Variants in MYO18B observed in about 807,000 individuals in gnomAD.
The protein encoded by MYO18B is myosin XVIIIB.
In MYO18B, 204 loss-of-function variants were observed where a neutral mutation model predicts 273.0. The observed-to-expected ratio is 0.75, with a 90% CI of 0.67 to 0.84. MYO18B has a LOEUF of 0.84. MYO18B is among the 40% of genes least tolerant of loss of function. The pLI, the probability that MYO18B is intolerant of heterozygous loss-of-function variation, is 0.00. For synonymous variants in MYO18B, 1,330 were observed against 1,305.7 expected, an observed-to-expected ratio of 1.02 and a Z score of -0.40; for missense variants, 3,212 against 3,287.6, an observed-to-expected ratio of 0.98 and a Z score of 0.56.
Position 26,026,784 on chromosome 22 carries a change from G to C in MYO18B, c.6810G>C (p.Leu2270=). Residue 2270 remains leucine, a synonymous_variant, in exon 43 of 44, where the codon CTG becomes CTC. Coordinates refer to ENST00000335473, the MANE Select transcript of MYO18B (RefSeq NM_032608.7). ...KRAQRGQGST[L]GLEDWPTLPI... is the part of the protein sequence containing the mutation. Reference sequence around the variant, plus strand: ...CCCAGAGAGGCCAGGGGTCCACGCTGGGCCTAGAGGACTGGCCCACTCTCC... The same window carrying C: ...CCCAGAGAGGCCAGGGGTCCACGCTCGGCCTAGAGGACTGGCCCACTCTCC... 6.2e-7 allele frequency: 1 copy of C among 1,604,952 alleles called. No individual in the cohort carries two copies. The highest frequency in any genetic ancestry group is 1.7e-4 in the Middle Eastern group (1 of 6,032).
At chr22:25,936,168 G>A (rs535789725) in intron 34 of MYO18B, among the ~76,000 whole-genome samples, 34 of 152,262 alleles carry the variant, frequency 2.2e-4, no homozygotes, top group Middle Eastern at 6.8e-3. Flanking sequence ...TAAATGAGAC[G>A]GGGATCGGGG....
intron 39 of MYO18B, among the ~76,000 whole-genome samples, chr22:25,977,866 A>G (rs757111654): frequency 3.9e-5 from 6 of 152,180 alleles, no homozygotes; most frequent in Non-Finnish European, 7.3e-5. Flanking sequence ...CACTTTGCAG[A>G]TGAGAAAACT....
chr22:25,887,387 ATT>A (rs11291087), intron 25 of MYO18B, among the ~76,000 whole-genome samples: 2 of 151,440 alleles, frequency 1.3e-5, no homozygotes, highest in African/African-American at 4.9e-5. Context: ...TGCACAGGAT[ATT>A]TTTTTTTCTG....
intron 42 of MYO18B, among the ~76,000 whole-genome samples, chr22:26,007,335 G>A (rs1390000505): frequency 6.6e-6 from 1 of 152,144 alleles, no homozygotes; most frequent in Non-Finnish European, 1.5e-5. Flanking sequence ...GAGAGGGTTG[G>A]TAGTTTACTA....
intron 25 of MYO18B, among the ~76,000 whole-genome samples, chr22:25,887,272 A>G (rs2091527988): frequency 6.6e-6 from 1 of 152,148 alleles, no homozygotes; most frequent in African/African-American, 2.4e-5. Context: ...TCCGTGAAGA[A>G]CAAGCAACAG....
Position 25,868,394 on chromosome 22 carries a change from A to G in MYO18B, c.3951+9A>G, listed in dbSNP as rs2090952289. On this transcript the variant is annotated intron_variant, in intron 22 of 43. Transcript: ENST00000335473. ...CTGTGGGGCACAGCCAAGTGAGTAGAGCTGCTTTCTTACAACATTCGCCCA... is the reference window on the plus strand; with the variant it reads ...CTGTGGGGCACAGCCAAGTGAGTAGGGCTGCTTTCTTACAACATTCGCCCA... 2.5e-6 allele frequency: 4 copies of G among 1,586,384 alleles called. No individual in the cohort carries two copies. The highest frequency in any genetic ancestry group is 3.4e-6 in the Non-Finnish European group (4 of 1,165,906).
At chr22:26,003,146 C>T in intron 40 of MYO18B, 119 bp from the exon 41 acceptor site, 2 of 896,118 alleles carry the variant, frequency 2.2e-6, no homozygotes. Context: ...TCCCTGAGAT[C>T]ACACAGGGGC....
the MYO18B span, among the ~76,000 whole-genome samples, chr22:26,061,006 TACACACAC>T: frequency 8.5e-6 from 1 of 118,058 alleles, no homozygotes; most frequent in Non-Finnish European, 1.7e-5. Flanking sequence ...TGCACACACA[TACACACAC>T]ACACACACAC....
chr22:25,895,093 C>T (rs1302141975), intron 27 of MYO18B, 63 bp from the exon 28 acceptor site: 2 of 1,566,276 alleles, frequency 1.3e-6, no homozygotes, highest in East Asian at 2.3e-5. Context: ...AGGAGAGCCA[C>T]TCACACTCTT....
Position 25,769,433 on chromosome 22 carries a change from G to C in MYO18B, c.1512+5G>C. On this transcript the variant is annotated splice_donor_5th_base_variant and intron_variant, in intron 4 of 43. Coordinates refer to ENST00000335473, the MANE Select transcript of MYO18B (RefSeq NM_032608.7). Reference sequence around the variant, plus strand: ...CAGAGCAGAGACTCAGACCAGGTGAGGGGGCTGCGGCCCTGGGAGCGGGAA... The same window carrying C: ...CAGAGCAGAGACTCAGACCAGGTGACGGGGCTGCGGCCCTGGGAGCGGGAA... The C allele has an allele frequency of 6.6e-7, 1 of 1,515,402 alleles. No individual in the cohort carries two copies. Among genetic ancestry groups the C allele is most frequent in the Non-Finnish European group, 8.8e-7 (1 of 1,132,412 alleles). 93.9% of individuals were successfully genotyped at this position (1,515,402 alleles called of 1,614,324 possible). A position where few individuals can be genotyped will look rare whatever the true frequency, so the allele number is the denominator to read the frequency against.
chr22:26,032,657 G>A (rs1936694108), downstream of MYO18B, among the ~76,000 whole-genome samples: 1 of 151,884 alleles, frequency 6.6e-6, no homozygotes, highest in Admixed American at 6.6e-5. Context: ...GAGTAGCTGG[G>A]ATTACAGACA....
chr22:25,996,739 T>C (rs9613070), intron 40 of MYO18B, among the ~76,000 whole-genome samples: 27,361 of 151,954 alleles, frequency 0.18, 2,777 homozygotes, highest in African/African-American at 0.26. Flanking sequence ...CCGAATGAAA[T>C]GAAGGAGCCA....
intron 12 of MYO18B, among the ~76,000 whole-genome samples, chr22:25,820,832 T>G (rs907406838): frequency 2.6e-5 from 4 of 152,108 alleles, no homozygotes; most frequent in Non-Finnish European, 4.4e-5. Flanking sequence ...CCCACTTACC[T>G]CCCCACAAAC....
At chr22:25,790,482 T>C (rs1471713689) in intron 11 of MYO18B, among the ~76,000 whole-genome samples, 2 of 152,164 alleles carry the variant, frequency 1.3e-5, no homozygotes, top group African/African-American at 4.8e-5. Context: ...GTCTCCCATC[T>C]CTGATCACAC....
At chr22:25,866,580 C>A (rs2090893326) in intron 21 of MYO18B, among the ~76,000 whole-genome samples, 1 of 152,004 alleles carries the variant, frequency 6.6e-6, no homozygotes, top group African/African-American at 2.4e-5. Context: ...GTGGCTCACA[C>A]CTGTAATCCC....
At chr22:25,920,589 G>A (rs909897871) in intron 33 of MYO18B, among the ~76,000 whole-genome samples, 1 of 152,184 alleles carries the variant, frequency 6.6e-6, no homozygotes, top group Admixed American at 6.5e-5. Flanking sequence ...AGGTTCCTCT[G>A]CAGAAAATGA....
At chr22:25,977,138 A>T (rs981188922) in intron 39 of MYO18B, among the ~76,000 whole-genome samples, 1 of 152,040 alleles carries the variant, frequency 6.6e-6, no homozygotes, top group African/African-American at 2.4e-5. Flanking sequence ...ATCCATTTCT[A>T]TGTCTTGCAA....
intron 33 of MYO18B, among the ~76,000 whole-genome samples, chr22:25,920,721 G>A (rs903534906): frequency 6.6e-6 from 1 of 152,210 alleles, no homozygotes; most frequent in Non-Finnish European, 1.5e-5. Context: ...CGTATCCCAC[G>A]TGTACAGCTC....
chr22:26,008,076 A>G (rs1236977418), intron 42 of MYO18B, among the ~76,000 whole-genome samples: 3 of 152,234 alleles, frequency 2.0e-5, no homozygotes, highest in African/African-American at 7.2e-5. Flanking sequence ...AAATTTTTAC[A>G]ATATACTTCT....
Sources: allele counts gnomAD v4.1 joint callset (sites outside exome capture counted in the v4.1 genomes callset), GRCh38; gene constraint gnomAD v4.1.1; transcripts MANE v1.5; gene names NCBI Gene and HGNC (gene_info 2026-07-23, HGNC 2026-07-21).